Variants in PATJ observed in about 807,000 individuals in gnomAD.
PATJ encodes the protein PATJ crumbs cell polarity complex component.
A neutral mutation model predicts 224.9 loss-of-function variants in PATJ; 190 were observed. That is an observed-to-expected ratio of 0.84 (90% CI 0.75 to 0.95). The LOEUF (loss-of-function observed/expected upper bound fraction) is 0.95. Ranked by LOEUF, PATJ falls within the 40% of genes least tolerant of loss-of-function variation. The pLI, the probability that PATJ is intolerant of heterozygous loss-of-function variation, is 0.00. For missense variants in PATJ, 2,121 were observed against 2,270.3 expected (o/e 0.93, Z 1.34); for synonymous variants, 769 against 820.3 (o/e 0.94, Z 1.07).
chr1:61,786,329 A>T (rs1648512872), intron 7 of PATJ, among the ~76,000 whole-genome samples: 1 of 152,098 alleles, frequency 6.6e-6, no homozygotes, highest in Non-Finnish European at 1.5e-5. Flanking sequence ...CAGAATCATG[A>T]CTATAAATAC....
At chr1:62,156,345 C>A (rs1029589256) in intron 43 of PATJ, among the ~76,000 whole-genome samples, 13 of 151,858 alleles carry the variant, frequency 8.6e-5, no homozygotes, top group Non-Finnish European at 1.8e-4. Context: ...GCCTGGCCAA[C>A]ATGGTGAAAC....
At chr1:61,835,226 G>A (rs1461508912) in intron 17 of PATJ, among the ~76,000 whole-genome samples, 1 of 152,118 alleles carries the variant, frequency 6.6e-6, no homozygotes, top group Non-Finnish European at 1.5e-5. Context: ...TTAAGCATTT[G>A]CAAGTTTATA....
At chr1:61,852,196 A>G (rs1221072146) in intron 17 of PATJ, among the ~76,000 whole-genome samples, 3 of 151,840 alleles carry the variant, frequency 2.0e-5, no homozygotes, top group Non-Finnish European at 2.9e-5. Context: ...CATATGGTAC[A>G]CTGTTACAGT....
At chr1:61,765,185 C>G (rs1373440976) in intron 3 of PATJ, among the ~76,000 whole-genome samples, 1 of 144,792 alleles carries the variant, frequency 6.9e-6, no homozygotes, top group Non-Finnish European at 1.5e-5. Flanking sequence ...AGCAATCCTC[C>G]CACTTCATCC....
intron 30 of PATJ, among the ~76,000 whole-genome samples, chr1:62,048,545 C>CAAAAAAAAAAAAAAAAAAAAAAAAAA (rs773157635): frequency 3.0e-5 from 2 of 66,166 alleles, no homozygotes; most frequent in African/African-American, 4.1e-5. Context: ...GACTCTGTCT[C>CAAAAAAAAAAAAAAAAAAAAAAAAAA]AAAAAAAAAA....
chr1:62,079,687 G>T (rs1015508790), intron 32 of PATJ, 120 bp downstream of exon 32: 3 of 687,820 alleles, frequency 4.4e-6, no homozygotes, highest in Non-Finnish European at 7.8e-6. Flanking sequence ...TACTTCCTCC[G>T]CTTCCTTAGC....
chr1:61,870,986 A>G (rs1666249006), intron 20 of PATJ, among the ~76,000 whole-genome samples: 1 of 150,244 alleles, frequency 6.7e-6, no homozygotes, highest in Admixed American at 6.6e-5. Context: ...GCATCCTTTC[A>G]TGTGCTTATT....
intron 27 of PATJ, among the ~76,000 whole-genome samples, chr1:61,989,770 A>G (rs1644959406): frequency 6.6e-6 from 1 of 152,224 alleles, no homozygotes; most frequent in South Asian, 2.1e-4. Flanking sequence ...CTGAACAATC[A>G]GAAGGTCTTA....
chr1:62,092,221 T>A (rs1011899877), intron 33 of PATJ, among the ~76,000 whole-genome samples: 10 of 147,664 alleles, frequency 6.8e-5, no homozygotes, highest in South Asian at 2.2e-4. Context: ...TCAAAAAAAA[T>A]TTTTTTTAAT....
chr1:62,145,478 A>G (rs1308811271), intron 41 of PATJ, among the ~76,000 whole-genome samples: 4 of 152,082 alleles, frequency 2.6e-5, no homozygotes, highest in Non-Finnish European at 5.9e-5. Context: ...CCTGAGCAAC[A>G]CAGTGAGACA....
intron 30 of PATJ, chr1:62,039,003 C>T (rs1014575318): frequency 7.6e-7 from 1 of 1,323,116 alleles, no homozygotes; most frequent in Non-Finnish European, 1.1e-6. Flanking sequence ...CTGAGCTAAC[C>T]TCTGACCCCA....
At chr1:62,013,799 A>G (rs1355762708) in intron 28 of PATJ, among the ~76,000 whole-genome samples, 4 of 152,122 alleles carry the variant, frequency 2.6e-5, no homozygotes, top group South Asian at 2.1e-4. Context: ...TTTGAGACAG[A>G]GTCTTGCTCT....
intron 21 of PATJ, among the ~76,000 whole-genome samples, chr1:61,882,944 A>G (rs1397552905): frequency 1.3e-5 from 2 of 152,078 alleles, no homozygotes; most frequent in African/African-American, 2.4e-5. Flanking sequence ...GTTGAATCCT[A>G]TATATTATAC....
At chr1:62,083,266 A>G (rs1659516221) in intron 32 of PATJ, among the ~76,000 whole-genome samples, 1 of 152,184 alleles carries the variant, frequency 6.6e-6, no homozygotes, top group African/African-American at 2.4e-5. Context: ...CTGGGATTAC[A>G]GGCATGAACC....
chr1:62,158,191 G>GT (rs1313673071), intron 43 of PATJ, among the ~76,000 whole-genome samples: 1 of 149,448 alleles, frequency 6.7e-6, no homozygotes, highest in Non-Finnish European at 1.5e-5. Flanking sequence ...GTAGGTAGAG[G>GT]TTTTCAAGCC....
chr1:61,969,710 T>C (rs1299072695), intron 27 of PATJ, among the ~76,000 whole-genome samples: 10 of 152,196 alleles, frequency 6.6e-5, no homozygotes, highest in Non-Finnish European at 1.3e-4. Flanking sequence ...TTTTGTTTGT[T>C]TGAGACACAG....
In PATJ at chr1:62,006,383, T is replaced by G. The variant is rs1646098971; in HGVS notation, c.3868-11473T>G. 2.0e-5 allele frequency among the ~76,000 whole-genome samples: 3 copies of G among 152,360 alleles called. No homozygotes were observed. The South Asian group carries it at 6.2e-4, about 32-fold the overall frequency. ...CACCCGCCTTGGCCTCCAAAAGTGC[T>G]AGGAGTACAGGCGTGAGCCACCGTG... On this transcript the variant is annotated intron_variant, in intron 28 of 43. Coordinates refer to ENST00000642238, the MANE Select transcript of PATJ (RefSeq NM_001350145.3).
chr1:62,107,850 A>C (rs1324962921), intron 33 of PATJ, among the ~76,000 whole-genome samples: 1 of 152,210 alleles, frequency 6.6e-6, no homozygotes, highest in Non-Finnish European at 1.5e-5. Context: ...TTTATGGCTC[A>C]GATTGCTGAG....
At position 61,986,226 on chromosome 1, in the gene PATJ, A is replaced by G. The variant is rs370160875; in HGVS notation, c.3671-3942A>G. Among the ~76,000 whole-genome samples the G allele has an allele frequency of 9.5e-4, 145 of 152,136 alleles. 3 individuals carry two copies. Among genetic ancestry groups the G allele is most frequent in the African/African-American group, 3.4e-3 (142 of 41,398 alleles). On this transcript the variant is annotated intron_variant, in intron 27 of 43. Coordinates refer to ENST00000642238, the MANE Select transcript of PATJ (RefSeq NM_001350145.3). ...TGCCCAGCCTCATTTCAGTGTCTTT[A>G]ATAGCTAGTAGTTCATTACAGTTTT...
Sources: allele counts gnomAD v4.1 joint callset (sites outside exome capture counted in the v4.1 genomes callset), GRCh38; gene constraint gnomAD v4.1.1; transcripts MANE v1.5; gene names NCBI Gene and HGNC (gene_info 2026-07-23, HGNC 2026-07-21).